LRSAM1: variants seen among roughly 807,000 people sequenced by gnomAD.
The protein encoded by LRSAM1 is E3 ubiquitin-protein ligase LRSAM1.
Under a neutral mutation model 118.1 loss-of-function variants are expected in LRSAM1, and 96 were observed. That is an observed-to-expected ratio of 0.81 (90% CI 0.69 to 0.96). The LOEUF is 0.96. Among genes scored for constraint, LRSAM1 ranks in the 40% least tolerant of loss-of-function variants. The pLI is 0.00. For missense variants in LRSAM1, 804 were observed against 915.5 expected, an observed-to-expected ratio of 0.88 and a Z score of 1.57; for synonymous variants, 322 against 364.2, an observed-to-expected ratio of 0.88 and a Z score of 1.32.
chr9:127,480,324 G>A lies in LRSAM1; in HGVS notation c.1043+346G>A, dbSNP rs573297700. ...CAGTATTTTGGGTTCTGCGTAACCC[G>A]TTGCACTGAGGTCAGCTGTTCACCT... On this transcript the variant is annotated intron_variant, in intron 14 of 25. Transcript: ENST00000300417. Among the ~76,000 whole-genome samples, 11 of 152,302 alleles carry A rather than the reference G, an allele frequency of 7.2e-5. No homozygotes were observed. In the South Asian group the frequency reaches 1.7e-3, roughly 23 times the overall value.
intron 7 of LRSAM1, 71 bp from the exon 8 acceptor site, chr9:127,461,102 C>G (rs1834724147): frequency 8.4e-7 from 1 of 1,194,730 alleles, no homozygotes; most frequent in African/African-American, 1.5e-5. Context: ...GATCCACCTG[C>G]CTCGGCCTCC....
chr9:127,462,523 A>G lies in LRSAM1; in HGVS notation c.528+150A>G, dbSNP rs757147459. 3.5e-5 allele frequency: 42 copies of G among 1,183,628 alleles called. No homozygotes were observed. In the Admixed American group the frequency reaches 5.4e-4, roughly 15 times the overall value. The allele number at this position is 1,183,628 out of a possible 1,614,324, so 73.3% of individuals were successfully genotyped here. On this transcript the variant is annotated intron_variant, in intron 9 of 25. Coordinates refer to ENST00000300417, the MANE Select transcript of LRSAM1 (RefSeq NM_001005373.4). ...TCCTTGGAGGCTTGTAGAGAGGCCA[A>G]TGTGTGAACATTCGTAATTATATGA...
In LRSAM1 at chr9:127,500,350, G is replaced by GAC. The variant is rs1358813217; in HGVS notation, c.1913-659_1913-658dup. ...AACTCCAGCCTGGGTGACAGAGCGA[G>GAC]ACTGTCTCAAAAAAAAAAAAAAAAA... On this transcript the variant is annotated intron_variant, in intron 24 of 25. Transcript: ENST00000300417. Among the ~76,000 whole-genome samples the GAC allele has an allele frequency of 5.0e-3, 143 of 28,644 alleles. 13 individuals carry two copies. The highest frequency in any genetic ancestry group is 0.019 in the Middle Eastern group (1 of 52). 18.8% of individuals were successfully genotyped at this position (28,644 alleles called of 152,430 possible). A position where few individuals can be genotyped will look rare whatever the true frequency, so the allele number is the denominator to read the frequency against.
chr9:127,482,023 G>A (rs1835557760), intron 15 of LRSAM1, among the ~76,000 whole-genome samples: 1 of 151,844 alleles, frequency 6.6e-6, no homozygotes, highest in Non-Finnish European at 1.5e-5. Flanking sequence ...ATGTATGGAG[G>A]AATAACCTGC....
At chr9:127,454,880 G>A (rs1467434999) in intron 3 of LRSAM1, 118 bp from the exon 4 acceptor site, 2 of 1,039,412 alleles carry the variant, frequency 1.9e-6, no homozygotes, top group Non-Finnish European at 3.0e-6. Flanking sequence ...TGGACCAGTG[G>A]AACCAGATAG....
At chr9:127,479,322 C>G in intron 12 of LRSAM1, 61 bp from the exon 13 acceptor site, 1 of 1,613,058 alleles carries the variant, frequency 6.2e-7, no homozygotes, top group Non-Finnish European at 8.5e-7. Flanking sequence ...ATTCTCCCGA[C>G]TTCTGTGTCC....
chr9:127,472,313 A>G (rs527250569), intron 10 of LRSAM1, among the ~76,000 whole-genome samples: 248 of 148,814 alleles, frequency 1.7e-3, no homozygotes, highest in Middle Eastern at 0.011. Flanking sequence ...ATATATATAT[A>G]TGTGTGTGTA....
intron 25 of LRSAM1, 84 bp downstream of exon 25, chr9:127,501,227 G>A (rs557230825): frequency 2.3e-5 from 35 of 1,525,114 alleles, no homozygotes; most frequent in Middle Eastern, 2.2e-4. Flanking sequence ...GTCTCTGAAC[G>A]TGTTTTCTCC....
intron 9 of LRSAM1, among the ~76,000 whole-genome samples, 191 bp downstream of exon 9, chr9:127,462,564 T>C (rs1834789176): frequency 6.6e-6 from 1 of 151,986 alleles, no homozygotes; most frequent in Admixed American, 6.6e-5. Context: ...GCTGCCATAA[T>C]AGAGGCAGAA....
chr9:127,479,922 G>A lies in LRSAM1; in HGVS notation c.987G>A (p.Lys329=). The change falls in exon 14 of 26, where the codon AAG becomes AAA. Residue 329 remains lysine (K), a synonymous_variant. Transcript: ENST00000300417. The part of the protein sequence containing the change: ...AERQRLQEQL[K]QTEQNISSRI... Reference sequence around the variant, plus strand: ...GGCAGCGGCTGCAGGAGCAGCTGAAGCAGACGGAACAGAACATTTCCAGCC... The same window carrying A: ...GGCAGCGGCTGCAGGAGCAGCTGAAACAGACGGAACAGAACATTTCCAGCC... The A allele has an allele frequency of 1.2e-6, 2 of 1,614,156 alleles. No individual in the cohort carries two copies. The highest frequency in any genetic ancestry group is 1.7e-6 in the Non-Finnish European group (2 of 1,179,990).
intron 10 of LRSAM1, 36 bp from the exon 11 acceptor site, chr9:127,473,765 C>G: frequency 6.2e-7 from 1 of 1,613,974 alleles, no homozygotes; most frequent in Non-Finnish European, 8.5e-7. Context: ...CAGCTGTCTC[C>G]TCCCTCCTGG....
At chr9:127,463,886 A>G (rs983912630) in intron 9 of LRSAM1, among the ~76,000 whole-genome samples, 2 of 152,212 alleles carry the variant, frequency 1.3e-5, no homozygotes, top group Non-Finnish European at 2.9e-5. Flanking sequence ...GGCAGATACT[A>G]TTGTGCTACT....
At chr9:127,485,643 C>T in intron 16 of LRSAM1, 93 bp from the exon 17 acceptor site, 1 of 1,160,260 alleles carries the variant, frequency 8.6e-7, no homozygotes, top group East Asian at 2.3e-5. Flanking sequence ...AAGGCCTGTT[C>T]CTCAGTTCCT....
intron 9 of LRSAM1, among the ~76,000 whole-genome samples, chr9:127,463,974 G>A (rs192481020): frequency 6.6e-6 from 1 of 152,360 alleles, no homozygotes; most frequent in Non-Finnish European, 1.5e-5. Context: ...AGCAGAGATC[G>A]TTGTAAACCA....
intron 19 of LRSAM1, among the ~76,000 whole-genome samples, chr9:127,490,789 TC>T (rs1835905497): frequency 6.6e-6 from 1 of 152,134 alleles, no homozygotes; most frequent in African/African-American, 2.4e-5. Context: ...CTCAGTCACT[TC>T]CACTACCCTC....
chr9:127,495,298 T>G (rs749630146), intron 21 of LRSAM1, 22 bp from the exon 22 acceptor site: 4 of 1,608,452 alleles, frequency 2.5e-6, no homozygotes, highest in Non-Finnish European at 3.4e-6. Flanking sequence ...GTGACTAACA[T>G]TGCCTGCTTC....
chr9:127,497,363 G>T, intron 24 of LRSAM1, 29 bp downstream of exon 24: 1 of 1,604,090 alleles, frequency 6.2e-7, no homozygotes, highest in Middle Eastern at 1.7e-4. Context: ...CCTCTTCCAG[G>T]CAGGGCTCCA....
chr9:127,495,854 C>A, intron 22 of LRSAM1, 110 bp from the exon 23 acceptor site: 4 of 1,489,480 alleles, frequency 2.7e-6, no homozygotes, highest in Non-Finnish European at 3.6e-6. Flanking sequence ...GGAAAAATCC[C>A]GAGTACATTC....
chr9:127,503,187 T>A lies in LRSAM1; in HGVS notation c.*288T>A, dbSNP rs988318492. On this transcript the variant is annotated 3_prime_UTR_variant, in exon 26 of 26. Transcript: ENST00000300417. Reference sequence around the variant, plus strand: ...GCCAGCGTCCCAGCCTAATCACGGATCTGCTGCCTCCCAGCTGTCTTGACT... The same window carrying A: ...GCCAGCGTCCCAGCCTAATCACGGAACTGCTGCCTCCCAGCTGTCTTGACT... The A allele has an allele frequency of 2.2e-5, 10 of 462,034 alleles. No individual in the cohort carries two copies. The highest frequency in any genetic ancestry group is 4.0e-5 in the Non-Finnish European group (10 of 249,024). 28.6% of individuals were successfully genotyped at this position (462,034 alleles called of 1,614,324 possible).
Sources: gnomAD v4.1 joint callset for allele counts (sites outside exome capture counted in the v4.1 genomes callset) on GRCh38, gnomAD v4.1.1 for gene constraint, MANE v1.5 for transcripts, NCBI Gene and HGNC (gene_info 2026-07-23, HGNC 2026-07-21) for gene names.